Variants in CNKSR2 observed in about 807,000 individuals in gnomAD.
The protein encoded by CNKSR2 is connector enhancer of kinase suppressor of Ras 2.
Under a neutral mutation model 84.4 loss-of-function variants are expected in CNKSR2, and 14 were observed. The ratio of observed to expected loss-of-function variants is 0.17; its 90% CI spans 0.11 to 0.26. The LOEUF is 0.26. CNKSR2 is among the 10% of genes least tolerant of loss of function. The pLI is 1.00. For missense variants in CNKSR2, 485 were observed against 771.2 expected (o/e 0.63, Z 4.40); for synonymous variants, 275 against 277.9 (o/e 0.99, Z 0.10).
At chrX:21,586,297 G>A (rs1007159849) in intron 13 of CNKSR2, among the ~76,000 whole-genome samples, 1 of 111,846 alleles carries the variant, frequency 8.9e-6, no homozygotes, top group African/African-American at 3.2e-5. Flanking sequence ...CAGTTACTAA[G>A]AAATAAATAA....
intron 11 of CNKSR2, among the ~76,000 whole-genome samples, chrX:21,553,224 A>G (rs2092109223): frequency 8.9e-6 from 1 of 111,740 alleles, no homozygotes. Flanking sequence ...ATTTTTGTCT[A>G]ATGTAATGGT....
intron 11 of CNKSR2, among the ~76,000 whole-genome samples, chrX:21,558,963 T>C (rs187614077): frequency 9.0e-6 from 1 of 111,419 alleles, no homozygotes; most frequent in Admixed American, 9.6e-5. Flanking sequence ...GTAGAGTTTA[T>C]TTCTAAAACC....
intron 7 of CNKSR2, 135 bp downstream of exon 7, chrX:21,497,981 T>C: frequency 5.1e-6 from 2 of 392,204 alleles, no homozygotes; most frequent in South Asian, 1.1e-4. Flanking sequence ...TTAAAAGAGA[T>C]ACTGAGTTAG....
chrX:21,407,480 C>A (rs2090279497), intron 1 of CNKSR2, among the ~76,000 whole-genome samples: 1 of 110,798 alleles, frequency 9.0e-6, no homozygotes, highest in Non-Finnish European at 1.9e-5. Context: ...TCTCTAGTTT[C>A]TTTTTCTTTT....
intron 4 of CNKSR2, among the ~76,000 whole-genome samples, chrX:21,467,281 C>T (rs1049970730): frequency 1.8e-5 from 2 of 111,178 alleles, no homozygotes; most frequent in East Asian, 2.8e-4. Context: ...CAACTAGATC[C>T]GTACTTCTGG....
intron 1 of CNKSR2, among the ~76,000 whole-genome samples, chrX:21,411,098 C>T (rs747371576): frequency 4.5e-5 from 5 of 110,883 alleles, no homozygotes; most frequent in African/African-American, 1.3e-4. Flanking sequence ...TTAATATGAT[C>T]GGCTGTAACT....
Position 21,409,555 on chromosome X carries a change from G to C in CNKSR2, c.65-16942G>C, listed in dbSNP as rs150828595. 5.5e-5 allele frequency among the ~76,000 whole-genome samples: 6 copies of C among 109,568 alleles called. No individual in the cohort carries two copies. The East Asian group carries it at 1.7e-3, about 31-fold the overall frequency. On this transcript the variant is annotated intron_variant, in intron 1 of 21. Coordinates refer to ENST00000379510, the MANE Select transcript of CNKSR2 (RefSeq NM_014927.5). ...ATAGTAAAATGCTGTCATAACTCAG[G>C]AGAATTTTGCTAAGCAGAGAGGAAT...
At chrX:21,445,290 G>GT (rs2090837719) in intron 4 of CNKSR2, among the ~76,000 whole-genome samples, 1 of 110,754 alleles carries the variant, frequency 9.0e-6, no homozygotes, top group African/African-American at 3.3e-5. Context: ...AAAGGTGAAT[G>GT]TTTTTTCACT....
chrX:21,454,288 G>A (rs144876993), intron 4 of CNKSR2, among the ~76,000 whole-genome samples: 27 of 111,640 alleles, frequency 2.4e-4, no homozygotes, highest in African/African-American at 8.1e-4. Flanking sequence ...CTGAAATTTC[G>A]GTTTCCTAAT....
At position 21,374,619 on chromosome X, in the gene CNKSR2, G is replaced by A; in HGVS notation, c.-279G>A. The A allele has an allele frequency of 2.0e-6, 1 of 510,056 alleles. No individual in the cohort carries two copies. Among genetic ancestry groups the A allele is most frequent in the Non-Finnish European group, 3.4e-6 (1 of 290,739 alleles). The allele number at this position is 510,056 out of a possible 1,213,427, so 42.0% of individuals were successfully genotyped here. ...GGCAGCAGCAGCAGCAGCAGCAGCA[G>A]CAGCAGCAGCAGCCGCCGCCGCCGC... is the stretch of plus-strand genomic sequence containing the variant. On this transcript the variant is annotated 5_prime_UTR_variant, in exon 1 of 22. Coordinates refer to ENST00000379510, the MANE Select transcript of CNKSR2 (RefSeq NM_014927.5).
chrX:21,534,707 A>G (rs1400261920), intron 11 of CNKSR2, among the ~76,000 whole-genome samples: 3 of 111,414 alleles, frequency 2.7e-5, no homozygotes, highest in East Asian at 2.8e-4. Context: ...GCATTTTTAT[A>G]TAGCAGTTGG....
At chrX:21,582,752 T>C (rs80340457) in intron 13 of CNKSR2, among the ~76,000 whole-genome samples, 3 of 112,129 alleles carry the variant, frequency 2.7e-5, no homozygotes, top group East Asian at 5.6e-4. Context: ...ATGATTATTA[T>C]TTTGAGCTAA....
intron 11 of CNKSR2, among the ~76,000 whole-genome samples, chrX:21,561,203 A>C (rs915240095): frequency 2.8e-5 from 3 of 107,872 alleles, no homozygotes; most frequent in South Asian, 8.0e-4. Flanking sequence ...AAAAAAAACT[A>C]TACCCTTAAA....
At chrX:21,467,157 T>C (rs1255214680) in intron 4 of CNKSR2, among the ~76,000 whole-genome samples, 1 of 111,534 alleles carries the variant, frequency 9.0e-6, no homozygotes, top group African/African-American at 3.3e-5. Flanking sequence ...ATATATTTGA[T>C]AATTTTGGGA....
chrX:21,629,946 A>G (rs2092640458), intron 20 of CNKSR2, among the ~76,000 whole-genome samples: 1 of 112,233 alleles, frequency 8.9e-6, no homozygotes, highest in Admixed American at 9.4e-5. Flanking sequence ...GCAAATCTCA[A>G]CTCATTTCAG....
At chrX:21,518,068 T>C (rs923096352) in intron 9 of CNKSR2, among the ~76,000 whole-genome samples, 1 of 112,327 alleles carries the variant, frequency 8.9e-6, no homozygotes, top group African/African-American at 3.2e-5. Context: ...TGTATTAATA[T>C]GTCCAAATCC....
rs763803973 is a variant in CNKSR2, at chrX:21,621,078, A to G, written c.2692+11461A>G. ...ACTCTAAAATGGAATTGTGTTATCA[A>G]ACATAATTTGTGTTGTCTCTTCTTG... On this transcript the variant is annotated intron_variant, in intron 20 of 21. Transcript: ENST00000379510. Among the ~76,000 whole-genome samples, 94 of 111,527 alleles carry G rather than the reference A, an allele frequency of 8.4e-4. 5 individuals are homozygous for G. The highest frequency in any genetic ancestry group is 2.5e-4 in the Non-Finnish European group (13 of 52,845).
intron 1 of CNKSR2, among the ~76,000 whole-genome samples, chrX:21,406,358 G>T (rs1429748699): frequency 9.0e-6 from 1 of 111,332 alleles, no homozygotes; most frequent in Non-Finnish European, 1.9e-5. Flanking sequence ...TGATGTAGAG[G>T]ATGAGTTTTC....
At chrX:21,516,750 A>T in intron 9 of CNKSR2, 119 bp downstream of exon 9, 1 of 624,728 alleles carries the variant, frequency 1.6e-6, no homozygotes, top group Admixed American at 4.1e-5. Context: ...GCTTTTGAAA[A>T]GTTGTTTGTG....
Sources: allele counts gnomAD v4.1 joint callset (sites outside exome capture counted in the v4.1 genomes callset), GRCh38; gene constraint gnomAD v4.1.1; transcripts MANE v1.5; gene names NCBI Gene and HGNC (gene_info 2026-07-23, HGNC 2026-07-21).